The following CAMK1G variants were observed in gnomAD, a reference collection of about 807,000 sequenced individuals.
The protein encoded by CAMK1G is calcium/calmodulin dependent protein kinase IG, also known as calcium/calmodulin-dependent protein kinase type 1G.
In CAMK1G, 27 loss-of-function variants were observed where a neutral mutation model predicts 54.8. The ratio of observed to expected loss-of-function variants is 0.49; its 90% CI spans 0.36 to 0.68. CAMK1G has a LOEUF of 0.68. CAMK1G is among the 30% of genes least tolerant of loss of function. The probability of loss-of-function intolerance (pLI) is 0.00; values close to 1 mark genes in which losing one functional copy is unlikely to be tolerated. For missense variants in CAMK1G, 512 were observed against 591.0 expected (o/e 0.87, Z 1.39); for synonymous variants, 238 against 224.9 (o/e 1.06, Z -0.52).
intron 2 of CAMK1G, among the ~76,000 whole-genome samples, chr1:209,598,172 G>A (rs904063296): frequency 2.4e-4 from 37 of 152,190 alleles, no homozygotes; most frequent in Non-Finnish European, 4.7e-4. Context: ...CAAACCAAGA[G>A]GCCTGTAATT....
rs56379151 is a variant in CAMK1G, at chr1:209,609,888, G to A, written c.786G>A (p.Pro262=). Reference sequence around the variant, plus strand: ...TTTGCCACTTGCTTGAGAAGGATCCGAACGAGCGGTACACCTGTGAGAAGG... The same window carrying A: ...TTTGCCACTTGCTTGAGAAGGATCCAAACGAGCGGTACACCTGTGAGAAGG... The part of the protein sequence containing the change: ...DFICHLLEKD[P]NERYTCEKAL... The change falls in exon 9 of 13, where the codon CCG becomes CCA. Residue 262 remains proline (P), a synonymous_variant. Coordinates refer to ENST00000361322, the MANE Select transcript of CAMK1G (RefSeq NM_020439.3). 1,520 of 1,614,096 alleles carry A rather than the reference G, an allele frequency of 9.4e-4. 2 individuals carry two copies. The highest frequency in any genetic ancestry group is 6.4e-3 in the African/African-American group (479 of 74,992).
chr1:209,603,183 T>C (rs1665569900), intron 3 of CAMK1G, 31 bp from the exon 4 acceptor site: 7 of 1,612,742 alleles, frequency 4.3e-6, no homozygotes, highest in East Asian at 2.2e-5. Context: ...CTGAACCACA[T>C]ACCTTTCATC....
intron 5 of CAMK1G, 127 bp downstream of exon 5, chr1:209,605,801 C>A: frequency 1.2e-6 from 1 of 861,528 alleles, no homozygotes; most frequent in Non-Finnish European, 1.7e-6. Context: ...CCCTTCTGCC[C>A]TTAGATTCCT....
At position 209,611,789 on chromosome 1, in the gene CAMK1G, T is replaced by C; in HGVS notation, c.916-3T>C. The C allele has an allele frequency of 6.2e-7, 1 of 1,613,002 alleles. No homozygotes were observed. Among genetic ancestry groups the C allele is most frequent in the Non-Finnish European group, 8.5e-7 (1 of 1,179,492 alleles). On this transcript the variant is annotated splice_region_variant and splice_polypyrimidine_tract_variant and intron_variant, in intron 10 of 12. Coordinates refer to ENST00000361322, the MANE Select transcript of CAMK1G (RefSeq NM_020439.3). ...GCCAGAGGCTGCTCTTGTGTCTCCT[T>C]AGCAAGCCTTCAACGCAGCAGCTGT...
intron 8 of CAMK1G, among the ~76,000 whole-genome samples, chr1:209,609,472 C>T (rs745959242): frequency 1.3e-5 from 2 of 152,302 alleles, no homozygotes; most frequent in Admixed American, 6.5e-5. Flanking sequence ...ATGATCATTA[C>T]GTGATTGTTG....
At chr1:209,607,995 C>T (rs374787726) in intron 7 of CAMK1G, 62 bp downstream of exon 7, 36 of 1,320,182 alleles carry the variant, frequency 2.7e-5, no homozygotes, top group Non-Finnish European at 3.1e-5. Context: ...TACCCCTTCT[C>T]GTTCCCTCCC....
chr1:209,596,514 G>A (rs1037522452), intron 2 of CAMK1G, among the ~76,000 whole-genome samples: 5 of 152,138 alleles, frequency 3.3e-5, no homozygotes, highest in Non-Finnish European at 1.5e-5. Context: ...CATCTGGAGA[G>A]TTTATGCCTC....
At chr1:209,596,479 C>G (rs1187680014) in intron 2 of CAMK1G, among the ~76,000 whole-genome samples, 2 of 152,120 alleles carry the variant, frequency 1.3e-5, no homozygotes, top group African/African-American at 4.8e-5. Flanking sequence ...CCACACAGCA[C>G]CTAAACCTGG....
chr1:209,609,546 C>A (rs956679883), intron 8 of CAMK1G, among the ~76,000 whole-genome samples: 1 of 152,232 alleles, frequency 6.6e-6, no homozygotes, highest in Non-Finnish European at 1.5e-5. Flanking sequence ...CATGTGCCAG[C>A]GCTGGCCCCT....
intron 11 of CAMK1G, among the ~76,000 whole-genome samples, 195 bp from the exon 12 acceptor site, chr1:209,612,590 C>T (rs1665809985): frequency 6.6e-6 from 1 of 152,214 alleles, no homozygotes; most frequent in Non-Finnish European, 1.5e-5. Context: ...TTTCCAGGGC[C>T]TCTGTGCTTT....
intron 10 of CAMK1G, 101 bp from the exon 11 acceptor site, chr1:209,611,691 G>A: frequency 6.7e-7 from 1 of 1,493,964 alleles, no homozygotes; most frequent in Non-Finnish European, 9.1e-7. Flanking sequence ...AATGAGAAGT[G>A]GGCACCCAGG....
chr1:209,603,369 G>A (rs1665573783), intron 4 of CAMK1G, 81 bp downstream of exon 4: 2 of 1,051,548 alleles, frequency 1.9e-6, no homozygotes, highest in East Asian at 2.4e-5. Context: ...GCTGGTGAGG[G>A]ATGGACAGCA....
At chr1:209,588,333 A>C (rs1665155360) in intron 1 of CAMK1G, among the ~76,000 whole-genome samples, 1 of 151,968 alleles carries the variant, frequency 6.6e-6, no homozygotes, top group Admixed American at 6.6e-5. Flanking sequence ...ATTGGAGTGG[A>C]TTGGATTAGA....
At chr1:209,611,597 T>G (rs1238816628) in intron 10 of CAMK1G, 45 bp downstream of exon 10, 2 of 1,573,308 alleles carry the variant, frequency 1.3e-6, no homozygotes, top group Non-Finnish European at 1.7e-6. Context: ...TCTGGGCCCC[T>G]GGAGGCTGGG....
At chr1:209,600,820 T>C (rs1665508917) in intron 3 of CAMK1G, among the ~76,000 whole-genome samples, 1 of 152,218 alleles carries the variant, frequency 6.6e-6, no homozygotes, top group Non-Finnish European at 1.5e-5. Flanking sequence ...TGGACCTTGA[T>C]AGATGAGTCA....
chr1:209,587,201 A>T (rs1665124611), intron 1 of CAMK1G, among the ~76,000 whole-genome samples: 2 of 152,024 alleles, frequency 1.3e-5, no homozygotes, highest in African/African-American at 4.8e-5. Flanking sequence ...GCAACCCGTG[A>T]ACTGGAAGTG....
Position 209,611,787 on chromosome 1 carries a change from C to T in CAMK1G, c.916-5C>T. ...AGGCCAGAGGCTGCTCTTGTGTCTC[C>T]TTAGCAAGCCTTCAACGCAGCAGCT... On this transcript the variant is annotated splice_region_variant and splice_polypyrimidine_tract_variant and intron_variant, in intron 10 of 12. Transcript: ENST00000361322. 1.9e-6 allele frequency: 3 copies of T among 1,612,814 alleles called. No homozygotes were observed. The highest frequency in any genetic ancestry group is 1.7e-5 in the Admixed American group (1 of 59,982).
intron 2 of CAMK1G, among the ~76,000 whole-genome samples, chr1:209,598,970 A>G (rs1375156533): frequency 6.6e-6 from 1 of 152,168 alleles, no homozygotes; most frequent in Non-Finnish European, 1.5e-5. Flanking sequence ...AGACTGGGCA[A>G]TTTATAAAGG....
Position 209,612,113 on chromosome 1 carries a change from G to A in CAMK1G, c.1237G>A (p.Ala413Thr), listed in dbSNP as rs200585732. The change falls in exon 11 of 13, where the codon GCC becomes ACC. Residue 413 changes from alanine (A) to threonine (T), a missense_variant. Ala to Thr is a moderately conservative substitution (Grantham distance 58). Around this residue, in one of 3 missense-constraint regions of CAMK1G, gnomAD observed 315 missense variants for 330.5 expected, o/e 0.95. Coordinates refer to ENST00000361322, the MANE Select transcript of CAMK1G (RefSeq NM_020439.3). ...GCCCATGCATCAGGGGTCCCTGGCC[G>A]CCGGGCCCTGTGGCTGCTGCTCCAG... ...LVPMHQGSLA[A>T]GPCGCCSSCL... The A allele has an allele frequency of 3.3e-5, 53 of 1,614,188 alleles. No individual in the cohort carries two copies. The highest frequency in any genetic ancestry group is 1.8e-4 in the East Asian group (8 of 44,886).
Sources: allele counts gnomAD v4.1 joint callset (sites outside exome capture counted in the v4.1 genomes callset), GRCh38; gene constraint gnomAD v4.1.1; regional missense constraint gnomAD v4.1.1; transcripts MANE v1.5; gene names NCBI Gene and HGNC (gene_info 2026-07-23, HGNC 2026-07-21).